BCO2: variants seen among roughly 807,000 people sequenced by gnomAD.
The protein encoded by BCO2 is carotenoid-cleaving dioxygenase, mitochondrial.
Under a neutral mutation model 65.8 loss-of-function variants are expected in BCO2, and 56 were observed. The observed-to-expected ratio is 0.85, with a 90% CI of 0.69 to 1.06. BCO2 has a LOEUF of 1.06. Ranked by LOEUF, BCO2 falls within the 50% of genes least tolerant of loss-of-function variation. BCO2 has a pLI of 0.00. For missense variants in BCO2, 675 were observed against 698.5 expected, an observed-to-expected ratio of 0.97 and a Z score of 0.38; for synonymous variants, 233 against 242.3, an observed-to-expected ratio of 0.96 and a Z score of 0.36.
intron 2 of BCO2, chr11:112,181,408 C>G: frequency 3.4e-6 from 2 of 586,870 alleles, no homozygotes; most frequent in East Asian, 3.6e-5. Flanking sequence ...GTCTCGATCT[C>G]CTGACCTCGT....
rs193076337 is a variant in BCO2, at chr11:112,178,831, G to A, written c.89-447G>A. Among the ~76,000 whole-genome samples the A allele has an allele frequency of 1.3e-3, 194 of 152,280 alleles. 2 individuals are homozygous for A. Among genetic ancestry groups the A allele is most frequent in the Non-Finnish European group, 8.7e-4 (59 of 68,010 alleles). ...ATGAAGTCTTTGGAATCACATTCTG[G>A]TATATCTAAATTACTGGGGTCAATA... On this transcript the variant is annotated intron_variant, in intron 1 of 11. Coordinates refer to ENST00000357685, the MANE Select transcript of BCO2 (RefSeq NM_031938.7).
chr11:112,212,116 G>A (rs575444198), intron 8 of BCO2, among the ~76,000 whole-genome samples: 108 of 152,132 alleles, frequency 7.1e-4, no homozygotes, highest in African/African-American at 2.4e-3. Context: ...AAATATTTCT[G>A]CATGCTACAG....
At chr11:112,214,696 C>T in intron 9 of BCO2, 66 bp from the exon 10 acceptor site, 1 of 1,380,732 alleles carries the variant, frequency 7.2e-7, no homozygotes, top group East Asian at 2.3e-5. Flanking sequence ...AGGCTCCTCA[C>T]TGACCTACAT....
intron 10 of BCO2, chr11:112,215,247 A>C (rs983546036): frequency 2.7e-6 from 1 of 365,460 alleles, no homozygotes; most frequent in Non-Finnish European, 5.1e-6. Flanking sequence ...TAGTTACACA[A>C]ATTGTGTTTG....
At chr11:112,180,698 CGGGAGGAGAAAAAGGT>C in intron 2 of BCO2, 2 of 688,624 alleles carry the variant, frequency 2.9e-6, no homozygotes, top group Non-Finnish European at 5.3e-6. Flanking sequence ...GGGGGAAGGG[CGGGAGGAGAAAAAGGT>C]GGGAGGAGGA....
intron 1 of BCO2, among the ~76,000 whole-genome samples, chr11:112,177,408 A>T (rs1334136873): frequency 2.0e-5 from 3 of 152,206 alleles, no homozygotes; most frequent in Non-Finnish European, 4.4e-5. Context: ...TTCTGTTGCA[A>T]GTAGTCCTCA....
chr11:112,179,382 C>T lies in BCO2; in HGVS notation c.193C>T (p.Pro65Ser). Residue 65 changes from proline to serine, a missense_variant, in exon 2 of 12, where the codon CCA becomes TCA. Transcript: ENST00000357685. ...GCTGCTGACCACAGTGGAAGAGGCT[C>T]CACGGGGCATCTCTGCTCGAGTCTG... The part of the protein sequence containing the change: ...APLLTTVEEA[P>S]RGISARVWGH... 1 of 1,614,172 alleles carries T rather than the reference C, an allele frequency of 6.2e-7. No homozygotes were observed. Among genetic ancestry groups the T allele is most frequent in the South Asian group, 1.1e-5 (1 of 91,074 alleles).
chr11:112,179,950 A>T (rs938239488), intron 2 of BCO2: 3 of 162,394 alleles, frequency 1.8e-5, no homozygotes, highest in Admixed American at 5.8e-5. Context: ...TTCAGATGTC[A>T]ACTCAAATCT....
chr11:112,194,787 A>G, intron 5 of BCO2, 32 bp downstream of exon 5: 1 of 1,417,698 alleles, frequency 7.1e-7, no homozygotes, highest in Non-Finnish European at 9.9e-7. Flanking sequence ...TTTTAGAAAT[A>G]ATTGAGACCA....
At chr11:112,192,925 G>GTTTTTTTTTGTTTTTTTTTTT (rs1867434124) in intron 2 of BCO2, among the ~76,000 whole-genome samples, 1 of 36,658 alleles carries the variant, frequency 2.7e-5, no homozygotes, top group African/African-American at 1.0e-4. Context: ...AAAATGTGAG[G>GTTTTTTTTTGTTTTTTTTTTT]TTTTTTTTTT....
chr11:112,186,085 G>T (rs1566771541), intron 2 of BCO2, among the ~76,000 whole-genome samples: 2 of 152,186 alleles, frequency 1.3e-5, no homozygotes, highest in Non-Finnish European at 2.9e-5. Flanking sequence ...TTTAAAAAAA[G>T]ATTATGAGGC....
At chr11:112,190,856 CAA>C (rs945768260) in intron 2 of BCO2, among the ~76,000 whole-genome samples, 4 of 62,304 alleles carry the variant, frequency 6.4e-5, no homozygotes, top group Non-Finnish European at 1.0e-4. Context: ...GACTCTGTCT[CAA>C]AAAAAAAAAA....
chr11:112,186,985 T>A (rs898673083), intron 2 of BCO2, among the ~76,000 whole-genome samples: 8 of 152,202 alleles, frequency 5.3e-5, no homozygotes, highest in Non-Finnish European at 7.3e-5. Context: ...GCCACTGTAA[T>A]GATTGTCCCC....
chr11:112,211,983 T>C (rs1166514232), intron 8 of BCO2, among the ~76,000 whole-genome samples: 2 of 152,170 alleles, frequency 1.3e-5, no homozygotes, highest in Non-Finnish European at 2.9e-5. Flanking sequence ...AAAACAATTG[T>C]AAATATAATT....
intron 2 of BCO2, among the ~76,000 whole-genome samples, chr11:112,183,475 A>G (rs749522492): frequency 1.7e-4 from 26 of 152,192 alleles, no homozygotes; most frequent in Non-Finnish European, 3.7e-4. Context: ...ATGACCAGGA[A>G]TAGTATCTAT....
chr11:112,213,211 T>C (rs1859562642), intron 8 of BCO2, among the ~76,000 whole-genome samples: 1 of 131,610 alleles, frequency 7.6e-6, no homozygotes, highest in African/African-American at 2.8e-5. Flanking sequence ...TGGCATGATC[T>C]CGGCTCACCG....
chr11:112,194,761 G>C lies in BCO2; in HGVS notation c.736+6G>C, dbSNP rs770508111. The stretch of plus-strand genomic sequence containing the variant: ...GAACTCCTTTGGGCCATATGGTAAA[G>C]TTGCAATAAAGGTCTTTTTAGAAAT... On this transcript the variant is annotated splice_donor_region_variant and intron_variant, in intron 5 of 11. Transcript: ENST00000357685. 1 of 1,543,672 alleles carries C rather than the reference G, an allele frequency of 6.5e-7. No individual in the cohort carries two copies. The highest frequency in any genetic ancestry group is 1.7e-4 in the Middle Eastern group (1 of 5,924).
intron 2 of BCO2, among the ~76,000 whole-genome samples, chr11:112,191,194 C>G (rs1022092802): frequency 6.6e-6 from 1 of 151,594 alleles, no homozygotes; most frequent in African/African-American, 2.4e-5. Context: ...AAAATTATCT[C>G]TTTATGCAAA....
chr11:112,180,841 T>G, intron 2 of BCO2: 1 of 1,063,772 alleles, frequency 9.4e-7, no homozygotes, highest in Non-Finnish European at 1.5e-6. Flanking sequence ...TATATGGAAC[T>G]TTATCTGATT....
Sources: allele counts gnomAD v4.1 joint callset (sites outside exome capture counted in the v4.1 genomes callset), GRCh38; gene constraint gnomAD v4.1.1; transcripts MANE v1.5; gene names NCBI Gene and HGNC (gene_info 2026-07-23, HGNC 2026-07-21).